The following COL4A6 variants were observed in gnomAD, a reference collection of about 807,000 sequenced individuals.
COL4A6 encodes the protein collagen alpha-6(IV) chain.
Under a neutral mutation model 126.7 loss-of-function variants are expected in COL4A6, and 59 were observed. The ratio of observed to expected loss-of-function variants is 0.47; its 90% CI spans 0.38 to 0.58. COL4A6 has a LOEUF of 0.58. Among genes scored for constraint, COL4A6 ranks in the 20% least tolerant of loss-of-function variants. The pLI is 0.00. For missense variants in COL4A6, 1,285 were observed against 1,337.3 expected, an observed-to-expected ratio of 0.96 and a Z score of 0.61; for synonymous variants, 547 against 496.6, an observed-to-expected ratio of 1.10 and a Z score of -1.35.
chrX:108,198,551 A>G (rs1433514978), intron 13 of COL4A6, among the ~76,000 whole-genome samples: 6 of 111,803 alleles, frequency 5.4e-5, no homozygotes, highest in African/African-American at 1.3e-4. Flanking sequence ...CTTGTCTCCC[A>G]GAATAGGGAG....
At chrX:108,273,438 C>A (rs760269924) in intron 3 of COL4A6, among the ~76,000 whole-genome samples, 1 of 110,717 alleles carries the variant, frequency 9.0e-6, no homozygotes, top group East Asian at 2.9e-4. Context: ...CCTCAAGGAT[C>A]TAGAACTAGA....
intron 2 of COL4A6, among the ~76,000 whole-genome samples, chrX:108,414,852 A>G (rs2041404851): frequency 9.0e-6 from 1 of 111,433 alleles, no homozygotes; most frequent in Non-Finnish European, 1.9e-5. Flanking sequence ...GCACTGGTGA[A>G]AACAAAACAT....
At chrX:108,331,817 T>C (rs894637653) in intron 2 of COL4A6, among the ~76,000 whole-genome samples, 7 of 111,501 alleles carry the variant, frequency 6.3e-5, no homozygotes, top group Admixed American at 4.8e-4. Context: ...ACCCACATTA[T>C]GGAGGGTAAT....
intron 2 of COL4A6, among the ~76,000 whole-genome samples, chrX:108,429,210 G>A (rs1281426304): frequency 8.9e-6 from 1 of 112,316 alleles, no homozygotes; most frequent in Non-Finnish European, 1.9e-5. Context: ...TACAATAATA[G>A]GAAGCAGATC....
At chrX:108,371,616 G>A (rs767346688) in intron 2 of COL4A6, among the ~76,000 whole-genome samples, 1 of 105,710 alleles carries the variant, frequency 9.5e-6, no homozygotes, top group African/African-American at 3.4e-5. Context: ...ATATTAGCCA[G>A]TGTGGTTGTG....
At chrX:108,437,663 G>T (rs2064292479) in intron 2 of COL4A6, among the ~76,000 whole-genome samples, 1 of 111,752 alleles carries the variant, frequency 8.9e-6, no homozygotes, top group Non-Finnish European at 1.9e-5. Context: ...ATCTTAAGTC[G>T]TCTGGGGAAG....
At chrX:108,332,855 T>C (rs1290271609) in intron 2 of COL4A6, among the ~76,000 whole-genome samples, 1 of 111,441 alleles carries the variant, frequency 9.0e-6, no homozygotes, top group African/African-American at 3.2e-5. Context: ...GTCACATGTG[T>C]CTATTTTTGT....
chrX:108,287,994 T>C (rs1460263610), intron 3 of COL4A6, among the ~76,000 whole-genome samples: 1 of 112,109 alleles, frequency 8.9e-6, no homozygotes. Flanking sequence ...ACCATTGTTT[T>C]CCTTTTGTCT....
At chrX:108,241,243 G>A (rs1262492805) in intron 3 of COL4A6, among the ~76,000 whole-genome samples, 1 of 110,388 alleles carries the variant, frequency 9.1e-6, no homozygotes, top group African/African-American at 3.3e-5. Context: ...CCTGTGCTAA[G>A]CATCTCATAA....
At chrX:108,321,649 A>C (rs1045679804) in intron 2 of COL4A6, among the ~76,000 whole-genome samples, 1 of 111,258 alleles carries the variant, frequency 9.0e-6, no homozygotes, top group Admixed American at 9.6e-5. Context: ...TTGCTAGTTA[A>C]GTGACAAAGT....
chrX:108,181,454 T>G, intron 23 of COL4A6, among the ~76,000 whole-genome samples: 1 of 111,906 alleles, frequency 8.9e-6, no homozygotes, highest in Admixed American at 9.5e-5. Flanking sequence ...TGGAATGAGG[T>G]TTTCCCCAAA....
At chrX:108,179,528 GA>G in intron 25 of COL4A6, 90 bp from the exon 26 acceptor site, 1 of 680,934 alleles carries the variant, frequency 1.5e-6, no homozygotes, top group Non-Finnish European at 2.2e-6. Context: ...TTTCTAATAT[GA>G]AAGCTAACAT....
At position 108,169,552 on chromosome X, in the gene COL4A6, C is replaced by T. The variant is rs2034233849; in HGVS notation, c.3634G>A (p.Gly1212Arg). The change falls in exon 37 of 45, where the codon GGA becomes AGA. Residue 1212 changes from glycine (G) to arginine (R), a missense_variant. By Grantham distance (125) the Gly-to-Arg change is moderately radical. Transcript: ENST00000334504. ...TTCCCTGGAGCTCCGATGCCAATTC[C>T]TGGATATCCTTTTTCTCCTTTGGGT... The part of the protein sequence containing the change: ...PGPKGEKGYP[G>R]IGIGAPGKPG... The T allele has an allele frequency of 1.7e-6, 2 of 1,209,989 alleles. No individual in the cohort carries two copies. The highest frequency in any genetic ancestry group is 3.5e-5 in the African/African-American group (2 of 57,143).
At chrX:108,333,312 A>G (rs1248298401) in intron 2 of COL4A6, among the ~76,000 whole-genome samples, 1 of 111,798 alleles carries the variant, frequency 8.9e-6, no homozygotes, top group African/African-American at 3.2e-5. Flanking sequence ...TTAAAAACAA[A>G]AATCATATAA....
chrX:108,207,634 T>A (rs1445601614), intron 8 of COL4A6, among the ~76,000 whole-genome samples: 2 of 112,032 alleles, frequency 1.8e-5, no homozygotes, highest in Non-Finnish European at 3.8e-5. Context: ...ATTTTTTTTT[T>A]ATAAAAGGAT....
chrX:108,356,133 G>A (rs1301363900), intron 2 of COL4A6, among the ~76,000 whole-genome samples: 1 of 80,417 alleles, frequency 1.2e-5, no homozygotes, highest in East Asian at 3.8e-4. Flanking sequence ...AGAGTGTGAT[G>A]CTCCCCTTCC....
chrX:108,326,805 A>G (rs377034115), intron 2 of COL4A6, among the ~76,000 whole-genome samples: 5 of 112,427 alleles, frequency 4.4e-5, no homozygotes, highest in South Asian at 7.4e-4. Flanking sequence ...CTCAAAATAT[A>G]TTGTAAATGT....
At chrX:108,171,843 C>T (rs905846556) in intron 32 of COL4A6, among the ~76,000 whole-genome samples, 5 of 111,935 alleles carry the variant, frequency 4.5e-5, no homozygotes, top group Non-Finnish European at 7.5e-5. Flanking sequence ...AGGTTCTCCT[C>T]GCTGCTAAGT....
chrX:108,371,160 A>G (rs775346116), intron 2 of COL4A6, among the ~76,000 whole-genome samples: 5 of 110,388 alleles, frequency 4.5e-5, no homozygotes, highest in Non-Finnish European at 9.5e-5. Flanking sequence ...CTCTACTGAG[A>G]CAGGGTCTGT....
Sources: gnomAD v4.1 joint callset for allele counts (sites outside exome capture counted in the v4.1 genomes callset) on GRCh38, gnomAD v4.1.1 for gene constraint, MANE v1.5 for transcripts, NCBI Gene and HGNC (gene_info 2026-07-23, HGNC 2026-07-21) for gene names.